ZDHHC14: variants seen among roughly 807,000 people sequenced by gnomAD.
ZDHHC14 encodes palmitoyltransferase ZDHHC14.
A neutral mutation model predicts 47.7 loss-of-function variants in ZDHHC14; 16 were observed. The ratio of observed to expected loss-of-function variants is 0.34; its 90% confidence interval spans 0.23 to 0.51. The LOEUF (loss-of-function observed/expected upper bound fraction) is 0.51. ZDHHC14 is among the 20% of genes least tolerant of loss of function. The pLI, the probability that ZDHHC14 is intolerant of heterozygous loss-of-function variation, is 0.97. For synonymous variants in ZDHHC14, 293 were observed against 278.9 expected, an observed-to-expected ratio of 1.05 and a Z score of -0.50; for missense variants, 515 against 662.5, an observed-to-expected ratio of 0.78 and a Z score of 2.44.
intron 1 of ZDHHC14, among the ~76,000 whole-genome samples, chr6:157,522,967 T>C: frequency 6.6e-5 from 1 of 15,266 alleles, no homozygotes; most frequent in African/African-American, 2.1e-4. Flanking sequence ...CCTTCTTTCT[T>C]TTCTTTTCTT....
intron 3 of ZDHHC14, among the ~76,000 whole-genome samples, chr6:157,618,361 A>G (rs1159666465): frequency 1.3e-5 from 2 of 151,632 alleles, no homozygotes; most frequent in Non-Finnish European, 2.9e-5. Flanking sequence ...TCACTCTGTC[A>G]CCCAGGCTGC....
At chr6:157,650,789 T>G (rs1005029606) in intron 7 of ZDHHC14, among the ~76,000 whole-genome samples, 1 of 152,190 alleles carries the variant, frequency 6.6e-6, no homozygotes, top group Non-Finnish European at 1.5e-5. Flanking sequence ...GGGAGGACTG[T>G]GGGGATCCCT....
intron 1 of ZDHHC14, among the ~76,000 whole-genome samples, chr6:157,522,970 CTT>C (rs1562461036): frequency 0.077 from 2,428 of 31,734 alleles, 28 homozygotes; most frequent in Non-Finnish European, 0.091. Context: ...TCTTTCTTTT[CTT>C]TTCTTTTCTT....
intron 1 of ZDHHC14, among the ~76,000 whole-genome samples, chr6:157,525,318 G>A (rs2114773806): frequency 6.6e-6 from 1 of 152,106 alleles, no homozygotes; most frequent in South Asian, 2.1e-4. Flanking sequence ...GCATCACCAT[G>A]GCCAGCTAAT....
Position 157,677,995 on chromosome 6 carries a change from A to C in ZDHHC14, c.*4873A>C, listed in dbSNP as rs959191361. On this transcript the variant is annotated 3_prime_UTR_variant, in exon 9 of 9. Coordinates refer to ENST00000359775, the MANE Select transcript of ZDHHC14 (RefSeq NM_024630.3). ...GAATTCAAAGCTCTAAATCCAAACAATGGTGAACACATGTACATAACATTT... is the reference window on the plus strand; with the variant it reads ...GAATTCAAAGCTCTAAATCCAAACACTGGTGAACACATGTACATAACATTT... 1 of 151,974 alleles carries C rather than the reference A, an allele frequency of 6.6e-6. No homozygotes were observed. Among genetic ancestry groups the C allele is most frequent in the African/African-American group, 2.4e-5 (1 of 41,358 alleles). 9.4% of individuals were successfully genotyped at this position (151,974 alleles called of 1,614,324 possible). A position where few individuals can be genotyped will look rare whatever the true frequency, so the allele number is the denominator to read the frequency against.
rs1010634020 is a variant in ZDHHC14 at position 157,518,807 on chromosome 6, T to C, written c.246-23778T>C. ...GCTTCCCCGCCACCGTGGACTGGCT[T>C]TGATGGTTATTTCTCCAGCGCATTC... On this transcript the variant is annotated intron_variant, in intron 1 of 8. Transcript: ENST00000359775. Among the ~76,000 whole-genome samples the C allele has an allele frequency of 1.6e-4, 25 of 152,334 alleles. No individual in the cohort carries two copies. In the East Asian group the frequency reaches 4.2e-3, roughly 26 times the overall value.
At chr6:157,464,957 C>T (rs1256894787) in intron 1 of ZDHHC14, among the ~76,000 whole-genome samples, 1 of 152,136 alleles carries the variant, frequency 6.6e-6, no homozygotes, top group Non-Finnish European at 1.5e-5. Context: ...GCCAGTGTTC[C>T]AAGAAACCAA....
intron 3 of ZDHHC14, among the ~76,000 whole-genome samples, chr6:157,603,956 G>C (rs1001242588): frequency 6.6e-6 from 1 of 152,176 alleles, no homozygotes; most frequent in Non-Finnish European, 1.5e-5. Flanking sequence ...TTGGCTCTCT[G>C]TATTCATGGG....
chr6:157,578,206 A>G (rs1259095196), intron 2 of ZDHHC14, among the ~76,000 whole-genome samples: 2 of 152,094 alleles, frequency 1.3e-5, no homozygotes, highest in Non-Finnish European at 2.9e-5. Context: ...ATTAGGTCTC[A>G]TTTGTCAATT....
chr6:157,650,803 T>C (rs73584091), intron 7 of ZDHHC14, among the ~76,000 whole-genome samples: 22,561 of 152,126 alleles, frequency 0.15, 1,865 homozygotes, highest in Admixed American at 0.22. Flanking sequence ...GATCCCTGTT[T>C]CCCTTGAGCT....
intron 1 of ZDHHC14, among the ~76,000 whole-genome samples, chr6:157,434,333 C>T (rs760078970): frequency 6.6e-6 from 1 of 151,700 alleles, no homozygotes; most frequent in Non-Finnish European, 1.5e-5. Context: ...GCCTGATTTC[C>T]CCTGTTAGGG....
chr6:157,602,288 C>T (rs1242322733), intron 3 of ZDHHC14, among the ~76,000 whole-genome samples: 2 of 151,564 alleles, frequency 1.3e-5, no homozygotes, highest in African/African-American at 2.4e-5. Flanking sequence ...GGGCCAGTCA[C>T]TTGAGGTCAG....
intron 1 of ZDHHC14, among the ~76,000 whole-genome samples, chr6:157,512,001 A>G (rs1562455125): frequency 6.6e-6 from 1 of 152,200 alleles, no homozygotes; most frequent in Admixed American, 6.5e-5. Flanking sequence ...CATGCTCGAA[A>G]TGCGAAGTAA....
intron 3 of ZDHHC14, among the ~76,000 whole-genome samples, chr6:157,619,048 A>T (rs1017637649): frequency 1.3e-5 from 2 of 152,068 alleles, no homozygotes; most frequent in African/African-American, 4.8e-5. Flanking sequence ...TTGCTTCAGA[A>T]TGCCGGCCTC....
intron 2 of ZDHHC14, among the ~76,000 whole-genome samples, chr6:157,559,904 G>A (rs1370248208): frequency 6.6e-6 from 1 of 152,198 alleles, no homozygotes. Flanking sequence ...GGCCCCCATG[G>A]ACAGGGCTGC....
At chr6:157,469,915 T>C (rs1779314844) in intron 1 of ZDHHC14, among the ~76,000 whole-genome samples, 1 of 152,196 alleles carries the variant, frequency 6.6e-6, no homozygotes, top group East Asian at 1.9e-4. Flanking sequence ...TCTCTCTTAC[T>C]GTGGATTACC....
intron 1 of ZDHHC14, among the ~76,000 whole-genome samples, chr6:157,516,577 T>G (rs1780701409): frequency 6.6e-6 from 1 of 152,228 alleles, no homozygotes; most frequent in Non-Finnish European, 1.5e-5. Context: ...CATGAGGGAC[T>G]GGAGCCTGAA....
intron 4 of ZDHHC14, chr6:157,631,253 C>G (rs1486362977): frequency 8.7e-6 from 1 of 114,874 alleles, no homozygotes; most frequent in Non-Finnish European, 1.7e-5. Context: ...TTTAGCTCCT[C>G]TAAGGTTTTA....
At chr6:157,544,612 T>C (rs1440626700) in intron 2 of ZDHHC14, among the ~76,000 whole-genome samples, 1 of 152,130 alleles carries the variant, frequency 6.6e-6, no homozygotes, top group East Asian at 1.9e-4. Flanking sequence ...ATGGTGCCAC[T>C]GCACTCCAGC....
Sources: gnomAD v4.1 joint callset for allele counts (sites outside exome capture counted in the v4.1 genomes callset) on GRCh38, gnomAD v4.1.1 for gene constraint, MANE v1.5 for transcripts, NCBI Gene and HGNC (gene_info 2026-07-23, HGNC 2026-07-21) for gene names.